Variants in IRS2 observed in about 807,000 individuals in gnomAD.
IRS2 encodes insulin receptor substrate 2.
IRS2 carries 28 observed loss-of-function variants against 70.9 expected under a neutral mutation model. The observed-to-expected ratio is 0.39, with a 90% CI of 0.29 to 0.54. IRS2 has a LOEUF of 0.54. IRS2 is among the 20% of genes least tolerant of loss of function. The pLI is 0.59. For missense variants in IRS2, 2,081 were observed against 2,024.1 expected, an observed-to-expected ratio of 1.03 and a Z score of -0.54; for synonymous variants, 1,217 against 981.9, an observed-to-expected ratio of 1.24 and a Z score of -4.48.
Position 109,784,183 on chromosome 13 carries a change from G to C in IRS2, c.1871C>G (p.Ala624Gly), listed in dbSNP as rs750727331. Residue 624 changes from alanine (A) to glycine (G), a missense_variant, in exon 1 of 2, where the codon GCC (alanine) becomes GGC (glycine). Coordinates refer to ENST00000375856, the MANE Select transcript of IRS2 (RefSeq NM_003749.3). This position sits in a 1 kb window ranked among gnomAD's most constrained non-coding sequence, Gnocchi z 5.2. ...GTAGTCCTCTGGGTAGGGGTGGTAGGCCACCTTGGGAGAGGACGCGGGGCA... is the reference window on the plus strand; with the variant it reads ...GTAGTCCTCTGGGTAGGGGTGGTAGCCCACCTTGGGAGAGGACGCGGGGCA... ...PSCPASSPKV[A>G]YHPYPEDYGD... 1.0e-4 allele frequency: 160 copies of C among 1,578,434 alleles called. No individual in the cohort carries two copies. Among genetic ancestry groups the C allele is most frequent in the Non-Finnish European group, 1.3e-4 (148 of 1,164,588 alleles).
rs766745986 is a variant in IRS2, at chr13:109,785,821, C to T, written c.233G>A (p.Ser78Asn). The T allele has an allele frequency of 7.6e-6, 12 of 1,572,998 alleles. No individual in the cohort carries two copies. The South Asian group carries it at 1.4e-4, about 18-fold the overall frequency. The change falls in exon 1 of 2, where the codon AGC (serine) becomes AAC (asparagine). Residue 78 changes from serine (S) to asparagine (N), a missense_variant. By Grantham distance (46) the Ser-to-Asn change is conservative. Coordinates refer to ENST00000375856, the MANE Select transcript of IRS2 (RefSeq NM_003749.3). This position sits in a 1 kb window ranked among gnomAD's most constrained non-coding sequence, Gnocchi z 9.3. ...TGCCTTGCTCCGCCACTTTTTCTCG[C>T]TCTCGTAGTACTCGAGCCGCGGCGG... ...PQPPRLEYYESEKKWRSKAGA... is the reference protein window; with the variant it reads ...PQPPRLEYYENEKKWRSKAGA...
chr13:109,786,090 C>A lies in IRS2; in HGVS notation c.-37G>T. 9.7e-7 allele frequency: 1 copy of A among 1,029,296 alleles called. No individual in the cohort carries two copies. The highest frequency in any genetic ancestry group is 1.2e-6 in the Non-Finnish European group (1 of 863,638). 63.8% of individuals were successfully genotyped at this position (1,029,296 alleles called of 1,614,324 possible). On this transcript the variant is annotated 5_prime_UTR_variant, in exon 1 of 2. Coordinates refer to ENST00000375856, the MANE Select transcript of IRS2 (RefSeq NM_003749.3). This position sits in a 1 kb window ranked among gnomAD's most constrained non-coding sequence, Gnocchi z 4.4. ...CAGGCCGCGCGGCCCGGGCCCGGCG[C>A]CCAGGGGTTGGGGCGAGGGGCGGAG...
intron 1 of IRS2, among the ~76,000 whole-genome samples, chr13:109,760,739 C>A (rs945787658): frequency 1.3e-5 from 2 of 152,130 alleles, no homozygotes; most frequent in South Asian, 2.1e-4. Flanking sequence ...AAAAGCTCCA[C>A]CTTCAAACTG....
At chr13:109,767,507 G>C (rs964680361) in intron 1 of IRS2, among the ~76,000 whole-genome samples, 1 of 152,116 alleles carries the variant, frequency 6.6e-6, no homozygotes, top group African/African-American at 2.4e-5. Flanking sequence ...GGTTTCCCAA[G>C]GCTGTGCCTG....
At chr13:109,774,881 G>A (rs1294304581) in intron 1 of IRS2, among the ~76,000 whole-genome samples, 1 of 152,168 alleles carries the variant, frequency 6.6e-6, no homozygotes, top group Non-Finnish European at 1.5e-5. Context: ...GTGGCAGGCA[G>A]TTATCCGTCA....
chr13:109,759,171 T>C (rs914031868), intron 1 of IRS2, among the ~76,000 whole-genome samples: 4 of 152,334 alleles, frequency 2.6e-5, no homozygotes, highest in African/African-American at 9.6e-5. Flanking sequence ...GCCTGTCTCC[T>C]GTTAGGTTAA....
chr13:109,756,124 G>A lies in IRS2; in HGVS notation c.*180C>T. On this transcript the variant is annotated 3_prime_UTR_variant, in exon 2 of 2. Coordinates refer to ENST00000375856, the MANE Select transcript of IRS2 (RefSeq NM_003749.3). ...CCCCATCCGGGAACAAGGGAAAGAG[G>A]CAGGTGACCTTGCCTTGTTGGTGCC... The A allele has an allele frequency of 1.7e-6, 1 of 603,586 alleles. No homozygotes were observed. The highest frequency in any genetic ancestry group is 2.6e-5 in the Admixed American group (1 of 38,972). The allele number at this position is 603,586 out of a possible 1,614,324, so 37.4% of individuals were successfully genotyped here.
In IRS2 at chr13:109,783,525, G is replaced by T. The variant is rs779630572; in HGVS notation, c.2529C>A (p.Ala843=). Residue 843 remains alanine, a synonymous_variant, in exon 1 of 2, where the codon GCC becomes GCA. Transcript: ENST00000375856. The part of the protein sequence containing the change: ...ILEEERLEPQ[A]TPGPSQAASA... ...TGGCCGCCTGGCTGGGCCCTGGCGT[G>T]GCCTGAGGCTCCAGACGCTCCTCCT... is the stretch of plus-strand genomic sequence containing the variant. The T allele has an allele frequency of 2.6e-6, 4 of 1,548,588 alleles. No homozygotes were observed. The highest frequency in any genetic ancestry group is 1.4e-5 in the African/African-American group (1 of 73,022).
chr13:109,786,110 G>T lies in IRS2; in HGVS notation c.-57C>A. The T allele has an allele frequency of 1.2e-5, 12 of 962,628 alleles. No individual in the cohort carries two copies. The highest frequency in any genetic ancestry group is 1.4e-5 in the Non-Finnish European group (11 of 810,502). The allele number at this position is 962,628 out of a possible 1,614,324, so 59.6% of individuals were successfully genotyped here. Reference sequence around the variant, plus strand: ...CGGCGCCCAGGGGTTGGGGCGAGGGGCGGAGGGGGCGCGGGCGGGGGCGGC... The same window carrying T: ...CGGCGCCCAGGGGTTGGGGCGAGGGTCGGAGGGGGCGCGGGCGGGGGCGGC... On this transcript the variant is annotated 5_prime_UTR_variant, in exon 1 of 2. Transcript: ENST00000375856. This position sits in a 1 kb window ranked among gnomAD's most constrained non-coding sequence, Gnocchi z 4.4.
chr13:109,753,470 T>C lies in IRS2; in HGVS notation c.*2834A>G, dbSNP rs1476743902. 1.3e-5 allele frequency: 2 copies of C among 152,216 alleles called. No individual in the cohort carries two copies. Among genetic ancestry groups the C allele is most frequent in the Non-Finnish European group, 2.9e-5 (2 of 68,054 alleles). 9.4% of individuals were successfully genotyped at this position (152,216 alleles called of 1,614,324 possible). A position where few individuals can be genotyped will look rare whatever the true frequency, so the allele number is the denominator to read the frequency against. ...ACTGTGTGCTCTCACACAAGTCTCTTAGCATTTTTGTACCTCGGGCTCCTC... is the reference window on the plus strand; with the variant it reads ...ACTGTGTGCTCTCACACAAGTCTCTCAGCATTTTTGTACCTCGGGCTCCTC... On this transcript the variant is annotated 3_prime_UTR_variant, in exon 2 of 2. Coordinates refer to ENST00000375856, the MANE Select transcript of IRS2 (RefSeq NM_003749.3).
chr13:109,755,245 C>G lies in IRS2; in HGVS notation c.*1059G>C. On this transcript the variant is annotated 3_prime_UTR_variant, in exon 2 of 2. Coordinates refer to ENST00000375856, the MANE Select transcript of IRS2 (RefSeq NM_003749.3). Reference sequence around the variant, plus strand: ...TTTTTTTCTTTTTGTTTTTTTTGTTCAGGGCAGCCTCACTGGTTGACATAA... The same window carrying G: ...TTTTTTTCTTTTTGTTTTTTTTGTTGAGGGCAGCCTCACTGGTTGACATAA... 9.5e-6 allele frequency: 1 copy of G among 105,684 alleles called. No individual in the cohort carries two copies. The highest frequency in any genetic ancestry group is 9.5e-5 in the East Asian group (1 of 10,516). 6.5% of individuals were successfully genotyped at this position (105,684 alleles called of 1,614,324 possible). A position where few individuals can be genotyped will look rare whatever the true frequency, so the allele number is the denominator to read the frequency against.
rs763348094 is a variant in IRS2 at position 109,785,725 on chromosome 13, T to C, written c.329A>G (p.Lys110Arg). The C allele has an allele frequency of 8.1e-6, 13 of 1,599,760 alleles. No homozygotes were observed. In the Admixed American group the frequency reaches 2.2e-4, roughly 27 times the overall value. ...CTTGGTGTAGAGGGCGATCAGGTAC[T>C]TGTGCTTGGCGTCGGCGCGCTTGTT... ...NINKRADAKH[K>R]YLIALYTKDE... The change falls in exon 1 of 2, where the codon AAG becomes AGG. Residue 110 changes from lysine (K) to arginine (R), a missense_variant. Physicochemically the swap from Lys to Arg is conservative, Grantham distance 26. Coordinates refer to ENST00000375856, the MANE Select transcript of IRS2 (RefSeq NM_003749.3). This position sits in a 1 kb window ranked among gnomAD's most constrained non-coding sequence, Gnocchi z 9.3.
rs747959235 is a variant in IRS2, at chr13:109,784,454, C to T, written c.1600G>A (p.Gly534Ser). 15 of 1,584,200 alleles carry T rather than the reference C, an allele frequency of 9.5e-6. No homozygotes were observed. Among genetic ancestry groups the T allele is most frequent in the Non-Finnish European group, 1.3e-5 (15 of 1,161,908 alleles). ...IAETPPARDG[G>S]GGGEFYGYMT... ...TACCCGTAGAACTCACCGCCGCCGC[C>T]GCCGTCTCGGGCCGGGGGCGTCTCC... Residue 534 changes from glycine (G) to serine (S), a missense_variant, in exon 1 of 2, where the codon GGC (glycine) becomes AGC (serine). Physicochemically the swap from Gly to Ser is moderately conservative, Grantham distance 56. Coordinates refer to ENST00000375856, the MANE Select transcript of IRS2 (RefSeq NM_003749.3). This position sits in a 1 kb window ranked among gnomAD's most constrained non-coding sequence, Gnocchi z 5.2.
Position 109,785,633 on chromosome 13 carries a change from C to G in IRS2, c.421G>C (p.Asp141His). Reference protein sequence around the residue: ...EQEGWYRALTDLVSEGRAAAG... With the variant: ...EQEGWYRALTHLVSEGRAAAG... ...GCCGCGCGGCCCTCGCTGACCAGGT[C>G]GGTGAGCGCGCGGTACCAGCCCTCC... The change falls in exon 1 of 2, where the codon GAC (aspartate) becomes CAC (histidine). Residue 141 changes from aspartate (D) to histidine (H), a missense_variant. Around this residue, in one of 4 missense-constraint regions of IRS2, gnomAD observed 320 missense variants for 352.9 expected, o/e 0.91. Coordinates refer to ENST00000375856, the MANE Select transcript of IRS2 (RefSeq NM_003749.3). The surrounding 1 kb of genome is among the most constrained non-coding windows in gnomAD (Gnocchi z 9.3). The G allele has an allele frequency of 6.5e-7, 1 of 1,539,304 alleles. No homozygotes were observed. The highest frequency in any genetic ancestry group is 8.7e-7 in the Non-Finnish European group (1 of 1,147,708).
At position 109,784,523 on chromosome 13, in the gene IRS2, G is replaced by T; in HGVS notation, c.1531C>A (p.Arg511Ser). ...DEYGSSPGDL[R>S]AFCSHRSNTP... ...TTGCTTCGGTGGCTGCAGAAGGCGCGCAGGTCGCCTGGGCTGGAGCCGTAC... is the reference window on the plus strand; with the variant it reads ...TTGCTTCGGTGGCTGCAGAAGGCGCTCAGGTCGCCTGGGCTGGAGCCGTAC... The change falls in exon 1 of 2, where the codon CGC (arginine) becomes AGC (serine). Residue 511 changes from arginine to serine, a missense_variant. By Grantham distance (110) the Arg-to-Ser change is moderately radical. This residue lies in a region of IRS2 where 1,615 missense variants were observed against 1,459.5 expected (regional missense o/e 1.11). Coordinates refer to ENST00000375856, the MANE Select transcript of IRS2 (RefSeq NM_003749.3). The surrounding 1 kb of genome is among the most constrained non-coding windows in gnomAD (Gnocchi z 5.2). 1.3e-6 allele frequency: 2 copies of T among 1,531,416 alleles called. No homozygotes were observed. Among genetic ancestry groups the T allele is most frequent in the Non-Finnish European group, 1.8e-6 (2 of 1,141,596 alleles). The allele number at this position is 1,531,416 out of a possible 1,614,324, so 94.9% of individuals were successfully genotyped here.
rs758946525 is a variant in IRS2 at position 109,785,483 on chromosome 13, T to C, written c.571A>G (p.Thr191Ala). ...TGCCACACCTCACGGTAGGCGGCCG[T>C]GGCGGGAGCCACCAGCCCGTAGCTG... The part of the protein sequence containing the change: ...EDSYGLVAPA[T>A]AAYREVWQVN... The change falls in exon 1 of 2, where the codon ACG becomes GCG. Residue 191 changes from threonine (T) to alanine (A), a missense_variant. Physicochemically the swap from Thr to Ala is moderately conservative, Grantham distance 58. This residue lies in a region of IRS2 where 320 missense variants were observed against 352.9 expected (regional missense o/e 0.91). Transcript: ENST00000375856. The surrounding 1 kb of genome is among the most constrained non-coding windows in gnomAD (Gnocchi z 9.3). 9.9e-6 allele frequency: 16 copies of C among 1,611,402 alleles called. No homozygotes were observed. The African/African-American group carries it at 1.5e-4, about 15-fold the overall frequency.
At chr13:109,761,192 C>T (rs938246296) in intron 1 of IRS2, among the ~76,000 whole-genome samples, 5 of 152,180 alleles carry the variant, frequency 3.3e-5, no homozygotes, top group African/African-American at 7.2e-5. Context: ...CCCCATGGCA[C>T]GGCTGTGGGA....
At chr13:109,776,562 C>T (rs774048336) in intron 1 of IRS2, among the ~76,000 whole-genome samples, 1 of 152,238 alleles carries the variant, frequency 6.6e-6, no homozygotes, top group Non-Finnish European at 1.5e-5. Context: ...AGCTATAACA[C>T]ACAGAAGCAT....
At chr13:109,762,159 G>A (rs1033309881) in intron 1 of IRS2, among the ~76,000 whole-genome samples, 1 of 152,136 alleles carries the variant, frequency 6.6e-6, no homozygotes, top group Non-Finnish European at 1.5e-5. Context: ...TCTTTTCTGA[G>A]TGTTATTGTT....
Sources: allele counts gnomAD v4.1 joint callset (sites outside exome capture counted in the v4.1 genomes callset), GRCh38; gene constraint gnomAD v4.1.1; regional missense constraint gnomAD v4.1.1; non-coding constraint Gnocchi (gnomAD v3.1); transcripts MANE v1.5; gene names NCBI Gene and HGNC (gene_info 2026-07-23, HGNC 2026-07-21).